Variants in KCNN3 observed in about 807,000 individuals in gnomAD.
KCNN3 encodes the protein small conductance calcium-activated potassium channel protein 3.
KCNN3 carries 16 observed loss-of-function variants against 62.9 expected under a neutral mutation model. The observed-to-expected ratio is 0.25, with a 90% CI of 0.17 to 0.39. The LOEUF (loss-of-function observed/expected upper bound fraction) is 0.39, where lower values mean the gene tolerates loss of function less well. Among genes scored for constraint, KCNN3 ranks in the 10% least tolerant of loss-of-function variants. KCNN3 has a pLI of 1.00. For synonymous variants in KCNN3, 370 were observed against 389.2 expected, an observed-to-expected ratio of 0.95 and a Z score of 0.58; for missense variants, 599 against 949.4, an observed-to-expected ratio of 0.63 and a Z score of 4.85.
At chr1:154,827,997 C>T (rs866872360) in intron 1 of KCNN3, among the ~76,000 whole-genome samples, 15 of 151,966 alleles carry the variant, frequency 9.9e-5, no homozygotes, top group Middle Eastern at 3.2e-3. Context: ...AACCTGAGAC[C>T]GGGAGAGACA....
At chr1:154,741,744 A>T (rs896421708) in intron 3 of KCNN3, among the ~76,000 whole-genome samples, 5 of 150,172 alleles carry the variant, frequency 3.3e-5, no homozygotes, top group African/African-American at 1.2e-4. Context: ...TTTCACATGG[A>T]TCTACATGAT....
At chr1:154,762,928 T>C (rs77716853) in intron 3 of KCNN3, among the ~76,000 whole-genome samples, 13,996 of 152,266 alleles carry the variant, frequency 0.092, 692 homozygotes, top group African/African-American at 0.13. Flanking sequence ...CAGTTGGTTT[T>C]CTTTCTCGTA....
intron 2 of KCNN3, among the ~76,000 whole-genome samples, chr1:154,816,342 T>G (rs1486353832): frequency 1.3e-5 from 2 of 152,186 alleles, no homozygotes; most frequent in Non-Finnish European, 1.5e-5. Flanking sequence ...AGAACCACAA[T>G]TTGAAATTAA....
At chr1:154,713,684 AG>A in intron 6 of KCNN3, 151 bp from the exon 7 acceptor site, 1 of 700,034 alleles carries the variant, frequency 1.4e-6, no homozygotes, top group South Asian at 1.5e-5. Flanking sequence ...TTTACTTTCC[AG>A]GGGCTTGTCA....
chr1:154,713,757 G>C (rs1700124965), intron 6 of KCNN3, among the ~76,000 whole-genome samples: 1 of 151,860 alleles, frequency 6.6e-6, no homozygotes, highest in South Asian at 2.1e-4. Context: ...CTGGTTTCTT[G>C]CTATTCCCAG....
intron 1 of KCNN3, among the ~76,000 whole-genome samples, chr1:154,823,084 G>A (rs1340939400): frequency 6.6e-6 from 1 of 152,202 alleles, no homozygotes; most frequent in Non-Finnish European, 1.5e-5. Context: ...AGGAGTTAAT[G>A]TATGCAAAGT....
intron 1 of KCNN3, among the ~76,000 whole-genome samples, chr1:154,833,078 C>A: frequency 6.6e-6 from 1 of 152,170 alleles, no homozygotes; most frequent in South Asian, 2.1e-4. Context: ...ATTGGCCTTC[C>A]CCCTTTCCTC....
chr1:154,841,014 C>G (rs567898055), intron 1 of KCNN3, among the ~76,000 whole-genome samples: 1 of 149,216 alleles, frequency 6.7e-6, no homozygotes, highest in African/African-American at 2.4e-5. Context: ...CAGGGGCAGG[C>G]CTGCCCCTGC....
chr1:154,769,266 G>A (rs936136738), intron 3 of KCNN3, among the ~76,000 whole-genome samples: 4 of 152,110 alleles, frequency 2.6e-5, no homozygotes, highest in Non-Finnish European at 4.4e-5. Context: ...CTAGCACAGG[G>A]GTGCAACAAT....
At chr1:154,729,901 C>T (rs1158682794) in intron 4 of KCNN3, among the ~76,000 whole-genome samples, 1 of 152,222 alleles carries the variant, frequency 6.6e-6, no homozygotes, top group African/African-American at 2.4e-5. Context: ...TGGGGAAAAG[C>T]TCAGCGTCCC....
At chr1:154,804,577 C>T (rs1383871334) in intron 2 of KCNN3, among the ~76,000 whole-genome samples, 5 of 152,188 alleles carry the variant, frequency 3.3e-5, no homozygotes, top group Non-Finnish European at 4.4e-5. Flanking sequence ...AGGCAGAGAA[C>T]ACATCTTATT....
chr1:154,744,450 G>T (rs1700895372), intron 3 of KCNN3, among the ~76,000 whole-genome samples: 1 of 152,346 alleles, frequency 6.6e-6, no homozygotes, highest in Non-Finnish European at 1.5e-5. Context: ...CTGGGCACAG[G>T]GTGGGGCGTG....
intron 3 of KCNN3, among the ~76,000 whole-genome samples, chr1:154,755,456 G>A (rs1388282439): frequency 9.4e-6 from 1 of 106,006 alleles, no homozygotes; most frequent in African/African-American, 3.3e-5. Flanking sequence ...GTGACAAAGT[G>A]AGACAAGAAA....
At chr1:154,746,511 A>C (rs537735991) in intron 3 of KCNN3, among the ~76,000 whole-genome samples, 19 of 151,600 alleles carry the variant, frequency 1.3e-4, no homozygotes, top group African/African-American at 4.6e-4. Context: ...CTTGCCCCAA[A>C]CCCCTCCATC....
At chr1:154,768,808 G>A (rs2101835756) in intron 3 of KCNN3, among the ~76,000 whole-genome samples, 1 of 152,234 alleles carries the variant, frequency 6.6e-6, no homozygotes, top group Admixed American at 6.5e-5. Flanking sequence ...CAGCCCAGGA[G>A]GCTAGTATGA....
intron 3 of KCNN3, among the ~76,000 whole-genome samples, chr1:154,768,288 TCTTA>T (rs1486685141): frequency 6.6e-6 from 1 of 152,240 alleles, no homozygotes; most frequent in African/African-American, 2.4e-5. Context: ...CCTCTGCCAA[TCTTA>T]CTTATTATTT....
At chr1:154,838,665 C>G (rs1467099899) in intron 1 of KCNN3, among the ~76,000 whole-genome samples, 1 of 152,214 alleles carries the variant, frequency 6.6e-6, no homozygotes, top group Non-Finnish European at 1.5e-5. Context: ...CTCCCACCAC[C>G]CTACCCTCCA....
At chr1:154,842,637 CCCGCCACCACCTCCT>C (rs1216840174) in intron 1 of KCNN3, among the ~76,000 whole-genome samples, 1 of 20,734 alleles carries the variant, frequency 4.8e-5, no homozygotes, top group Non-Finnish European at 1.6e-4. Context: ...GGACCCCCCC[CCCGCCACCACCTCCT>C]CTGTGAGCTT....
intron 3 of KCNN3, among the ~76,000 whole-genome samples, chr1:154,770,412 G>A (rs1648493980): frequency 6.6e-6 from 1 of 152,220 alleles, no homozygotes; most frequent in African/African-American, 2.4e-5. Context: ...AGGCACCCAT[G>A]TAGGGTGTGT....
Sources: gnomAD v4.1 joint callset for allele counts (sites outside exome capture counted in the v4.1 genomes callset) on GRCh38, gnomAD v4.1.1 for gene constraint, MANE v1.5 for transcripts, NCBI Gene and HGNC (gene_info 2026-07-23, HGNC 2026-07-21) for gene names.